RNGTT: variants seen among roughly 807,000 people sequenced by gnomAD.
RNGTT encodes RNA guanylyltransferase and 5'-phosphatase.
Under a neutral mutation model 79.3 loss-of-function variants are expected in RNGTT, and 33 were observed. The observed-to-expected ratio is 0.42, with a 90% CI of 0.32 to 0.56. RNGTT has a LOEUF of 0.56. Among genes scored for constraint, RNGTT ranks in the 20% least tolerant of loss-of-function variants. The pLI is 0.17. For missense variants in RNGTT, 497 were observed against 739.1 expected (o/e 0.67, Z 3.80); for synonymous variants, 222 against 235.9 (o/e 0.94, Z 0.54).
intron 13 of RNGTT, among the ~76,000 whole-genome samples, chr6:88,697,202 C>T (rs1775707132): frequency 6.6e-6 from 1 of 152,106 alleles, no homozygotes; most frequent in South Asian, 2.1e-4. Flanking sequence ...TTAAATTGGT[C>T]TTTACTATAG....
rs77066835 is a variant in RNGTT, at chr6:88,610,904, C to T, written c.*1815G>A. 2.6e-5 allele frequency: 4 copies of T among 152,256 alleles called. No individual in the cohort carries two copies. The highest frequency in any genetic ancestry group is 3.9e-4 in the East Asian group (2 of 5,190). 9.4% of individuals were successfully genotyped at this position (152,256 alleles called of 1,614,324 possible). A position where few individuals can be genotyped will look rare whatever the true frequency, so the allele number is the denominator to read the frequency against. Reference sequence around the variant, plus strand: ...AGCAGCACACCGTGGAAGAGTCACTCGTCCTGGGGAAGCAGGCATCAGACT... The same window carrying T: ...AGCAGCACACCGTGGAAGAGTCACTTGTCCTGGGGAAGCAGGCATCAGACT... On this transcript the variant is annotated 3_prime_UTR_variant, in exon 16 of 16. Coordinates refer to ENST00000369485, the MANE Select transcript of RNGTT (RefSeq NM_003800.5).
intron 13 of RNGTT, among the ~76,000 whole-genome samples, chr6:88,768,908 T>G (rs1208624037): frequency 6.6e-6 from 1 of 152,132 alleles, no homozygotes; most frequent in Non-Finnish European, 1.5e-5. Context: ...TAATAGACAT[T>G]ATAAAAAATC....
intron 6 of RNGTT, among the ~76,000 whole-genome samples, chr6:88,902,190 A>C (rs1783493867): frequency 6.6e-6 from 1 of 151,440 alleles, no homozygotes. Flanking sequence ...CTATCTCTTT[A>C]AAAAAAAATA....
intron 8 of RNGTT, among the ~76,000 whole-genome samples, chr6:88,858,017 AG>A (rs1380445653): frequency 6.6e-6 from 1 of 152,184 alleles, no homozygotes; most frequent in Non-Finnish European, 1.5e-5. Context: ...GAATTAAGAC[AG>A]GATTCTAACC....
intron 1 of RNGTT, among the ~76,000 whole-genome samples, chr6:88,962,105 T>G (rs1428311572): frequency 1.3e-5 from 2 of 152,162 alleles, no homozygotes; most frequent in Non-Finnish European, 2.9e-5. Flanking sequence ...TATTTAAAAA[T>G]TTCTAGAAAA....
intron 4 of RNGTT, among the ~76,000 whole-genome samples, chr6:88,914,967 A>T (rs1442725602): frequency 6.6e-6 from 1 of 152,238 alleles, no homozygotes; most frequent in African/African-American, 2.4e-5. Context: ...AAAGGACATG[A>T]ACAGACAGTT....
At chr6:88,851,483 T>G (rs1227993916) in intron 9 of RNGTT, among the ~76,000 whole-genome samples, 1 of 152,054 alleles carries the variant, frequency 6.6e-6, no homozygotes, top group Non-Finnish European at 1.5e-5. Context: ...GACATGGAAT[T>G]TTTCCAAAAT....
intron 13 of RNGTT, among the ~76,000 whole-genome samples, chr6:88,681,701 A>T (rs1245846628): frequency 5.9e-5 from 9 of 152,200 alleles, no homozygotes; most frequent in Non-Finnish European, 1.2e-4. Flanking sequence ...GCATTAATTC[A>T]GCACTAATAA....
Position 88,689,903 on chromosome 6 carries a change from G to A in RNGTT, c.1440-11484C>T, listed in dbSNP as rs182175925. Among the ~76,000 whole-genome samples, 19 of 150,116 alleles carry A rather than the reference G, an allele frequency of 1.3e-4. No individual in the cohort carries two copies. The East Asian group carries it at 2.5e-3, about 20-fold the overall frequency. ...AAAAAAAAAAAATAGCAACTTTAGA[G>A]AAACACTGCAAATAACCTTAACCAA... On this transcript the variant is annotated intron_variant, in intron 13 of 15. Transcript: ENST00000369485.
chr6:88,960,240 A>T (rs977721159), intron 1 of RNGTT, among the ~76,000 whole-genome samples: 5 of 152,234 alleles, frequency 3.3e-5, no homozygotes, highest in Non-Finnish European at 5.9e-5. Flanking sequence ...GACTAGCACA[A>T]AGTAGACATT....
At chr6:88,917,120 G>T (rs967995193) in intron 4 of RNGTT, among the ~76,000 whole-genome samples, 7 of 152,304 alleles carry the variant, frequency 4.6e-5, no homozygotes, top group Middle Eastern at 3.4e-3. Context: ...GGATTTGTCA[G>T]TCTCTTTCTT....
chr6:88,875,648 C>T (rs190547782), intron 8 of RNGTT, among the ~76,000 whole-genome samples: 104 of 152,242 alleles, frequency 6.8e-4, no homozygotes, highest in African/African-American at 2.4e-3. Flanking sequence ...TGCTATCTTA[C>T]AGCGTTGTGA....
chr6:88,817,546 A>G (rs1415375983), intron 11 of RNGTT, among the ~76,000 whole-genome samples: 4 of 150,936 alleles, frequency 2.7e-5, no homozygotes, highest in Non-Finnish European at 5.9e-5. Flanking sequence ...AAATACACTA[A>G]ATATACACAC....
chr6:88,891,820 G>C lies in RNGTT; in HGVS notation c.780C>G (p.Phe260Leu). ...LGEVQQKCHQFCGWEGSGFPG... is the reference protein window; with the variant it reads ...LGEVQQKCHQLCGWEGSGFPG... ...ATATTTATTACCCTTCCCAGCCACA[G>C]AATTGATGACACTTCTGCTGTACCT... The change falls in exon 7 of 16, where the codon TTC becomes TTG. Residue 260 changes from phenylalanine to leucine, a missense_variant. Phe to Leu is a conservative substitution (Grantham distance 22, BLOSUM62 0). This residue lies in a region of RNGTT where 440 missense variants were observed against 671.5 expected (regional missense o/e 0.66). Transcript: ENST00000369485. 1 of 1,579,412 alleles carries C rather than the reference G, an allele frequency of 6.3e-7. No individual in the cohort carries two copies. The highest frequency in any genetic ancestry group is 8.6e-7 in the Non-Finnish European group (1 of 1,165,002).
chr6:88,691,314 C>G (rs1431508526), intron 13 of RNGTT, among the ~76,000 whole-genome samples: 1 of 152,146 alleles, frequency 6.6e-6, no homozygotes, highest in Non-Finnish European at 1.5e-5. Context: ...TTTCTGAGCC[C>G]TCCTTAGGCA....
chr6:88,610,579 C>T lies in RNGTT; in HGVS notation c.*2140G>A, dbSNP rs993426006. On this transcript the variant is annotated 3_prime_UTR_variant, in exon 16 of 16. Transcript: ENST00000369485. ...ATTATCCCCCTGACCTTCTAAATGA[C>T]TTTTATAATACTGCAGATGGTATTA... The T allele has an allele frequency of 6.6e-6, 1 of 152,182 alleles. No individual in the cohort carries two copies. Among genetic ancestry groups the T allele is most frequent in the African/African-American group, 2.4e-5 (1 of 41,450 alleles). The allele number at this position is 152,182 out of a possible 1,614,324, so 9.4% of individuals were successfully genotyped here. A position where few individuals can be genotyped will look rare whatever the true frequency, so the allele number is the denominator to read the frequency against.
At chr6:88,726,388 C>T (rs1182007154) in intron 13 of RNGTT, among the ~76,000 whole-genome samples, 1 of 77,746 alleles carries the variant, frequency 1.3e-5, no homozygotes, top group Non-Finnish European at 2.8e-5. Flanking sequence ...TATCCTAAGT[C>T]CAAAAAAAAA....
intron 12 of RNGTT, among the ~76,000 whole-genome samples, chr6:88,791,599 G>T (rs957779110): frequency 1.2e-4 from 18 of 151,964 alleles, no homozygotes; most frequent in Admixed American, 1.0e-3. Context: ...GAGTGCAGTG[G>T]CACAATCTCG....
intron 2 of RNGTT, among the ~76,000 whole-genome samples, chr6:88,933,449 C>T (rs558815230): frequency 2.0e-5 from 3 of 152,006 alleles, no homozygotes; most frequent in Non-Finnish European, 2.9e-5. Context: ...TGGTATCTAT[C>T]GTCTATCATT....
Sources: gnomAD v4.1 joint callset for allele counts (sites outside exome capture counted in the v4.1 genomes callset) on GRCh38, gnomAD v4.1.1 for gene constraint, gnomAD v4.1.1 regional missense constraint, MANE v1.5 for transcripts, NCBI Gene and HGNC (gene_info 2026-07-23, HGNC 2026-07-21) for gene names.